NCOA2: variants seen among roughly 807,000 people sequenced by gnomAD.
NCOA2 encodes the protein nuclear receptor coactivator 2.
Under a neutral mutation model 145.1 loss-of-function variants are expected in NCOA2, and 21 were observed. The observed-to-expected ratio is 0.14, with a 90% CI of 0.10 to 0.21. The LOEUF is 0.21. NCOA2 is among the 10% of genes least tolerant of loss of function. The pLI is 1.00. For missense variants in NCOA2, 1,472 were observed against 1,837.6 expected (o/e 0.80, Z 3.64); for synonymous variants, 619 against 637.5 (o/e 0.97, Z 0.44).
chr8:70,236,146 T>C (rs1186942300), intron 2 of NCOA2, among the ~76,000 whole-genome samples: 1 of 152,188 alleles, frequency 6.6e-6, no homozygotes, highest in Non-Finnish European at 1.5e-5. Flanking sequence ...CAATAAGATA[T>C]CTGTGCCTCT....
chr8:70,380,919 A>G (rs184878325), intron 1 of NCOA2, among the ~76,000 whole-genome samples: 2 of 152,174 alleles, frequency 1.3e-5, no homozygotes, highest in East Asian at 1.9e-4. Context: ...TACAAAAAAT[A>G]TAAAAAATTA....
intron 10 of NCOA2, among the ~76,000 whole-genome samples, chr8:70,159,242 A>ATATATATTTTTT: frequency 4.9e-5 from 3 of 61,078 alleles, no homozygotes; most frequent in African/African-American, 1.6e-4. Flanking sequence ...ATATATATAT[A>ATATATATTTTTT]TTTTTTTTTT....
At chr8:70,403,972 G>A (rs1814634152), upstream of NCOA2, among the ~76,000 whole-genome samples, 1 of 152,144 alleles carries the variant, frequency 6.6e-6, no homozygotes, top group South Asian at 2.1e-4. Context: ...TGCCTCCCCG[G>A]CAGTGGCCGC....
chr8:70,253,677 T>C (rs1320826801), intron 2 of NCOA2, among the ~76,000 whole-genome samples: 1 of 152,130 alleles, frequency 6.6e-6, no homozygotes, highest in Non-Finnish European at 1.5e-5. Flanking sequence ...CAACAAATAG[T>C]ATTGGGAAAA....
At position 70,148,490 on chromosome 8, in the gene NCOA2, T is replaced by C. The variant is rs749178023; in HGVS notation, c.2395-7A>G. On this transcript the variant is annotated splice_region_variant and splice_polypyrimidine_tract_variant and intron_variant, in intron 11 of 22. Coordinates refer to ENST00000452400, the MANE Select transcript of NCOA2 (RefSeq NM_006540.4). ...TGTCCAGCTCACTGCCAGGCTGTAGTTGACAAACAGAAGAGTTTATCCAGT... is the reference window on the plus strand; with the variant it reads ...TGTCCAGCTCACTGCCAGGCTGTAGCTGACAAACAGAAGAGTTTATCCAGT... The C allele has an allele frequency of 1.2e-6, 2 of 1,612,262 alleles. No homozygotes were observed. Among genetic ancestry groups the C allele is most frequent in the Non-Finnish European group, 1.7e-6 (2 of 1,179,616 alleles).
intron 1 of NCOA2, among the ~76,000 whole-genome samples, chr8:70,330,242 G>T (rs890381373): frequency 7.7e-6 from 1 of 129,530 alleles, no homozygotes; most frequent in African/African-American, 3.2e-5. Flanking sequence ...ATGATGATCT[G>T]GTTTCTTATT....
At chr8:70,298,743 C>T (rs1015546309) in intron 1 of NCOA2, among the ~76,000 whole-genome samples, 1 of 152,106 alleles carries the variant, frequency 6.6e-6, no homozygotes, top group South Asian at 2.1e-4. Flanking sequence ...TAACATGAGG[C>T]AAAAGTGTCA....
At chr8:70,433,863 T>A in the NCOA2 span, among the ~76,000 whole-genome samples, 5 of 152,286 alleles carry the variant, frequency 3.3e-5, no homozygotes, top group East Asian at 7.7e-4. Flanking sequence ...AAAAAGGTCA[T>A]TCCCTGTGGG....
the NCOA2 span, among the ~76,000 whole-genome samples, chr8:70,419,763 A>G: frequency 1.3e-5 from 2 of 152,130 alleles, no homozygotes; most frequent in African/African-American, 4.8e-5. Context: ...CAGTTTTGTC[A>G]TTTTAAGGCA....
intron 2 of NCOA2, among the ~76,000 whole-genome samples, chr8:70,230,931 A>C (rs1821077169): frequency 6.6e-6 from 1 of 152,198 alleles, no homozygotes; most frequent in Non-Finnish European, 1.5e-5. Context: ...ATGTCTTTAT[A>C]ATTTTCAATG....
At chr8:70,331,111 A>G (rs1205006908) in intron 1 of NCOA2, among the ~76,000 whole-genome samples, 2 of 152,208 alleles carry the variant, frequency 1.3e-5, no homozygotes, top group African/African-American at 2.4e-5. Context: ...TTAAAAAAAA[A>G]GCAAATTCTA....
intron 1 of NCOA2, among the ~76,000 whole-genome samples, chr8:70,396,887 C>T (rs1389684306): frequency 6.6e-6 from 1 of 152,208 alleles, no homozygotes; most frequent in Non-Finnish European, 1.5e-5. Context: ...TCAGATTCAA[C>T]CATTCCCTCT....
At chr8:70,327,604 G>A (rs1446327562) in intron 1 of NCOA2, among the ~76,000 whole-genome samples, 1 of 152,040 alleles carries the variant, frequency 6.6e-6, no homozygotes, top group African/African-American at 2.4e-5. Context: ...TAAAGTACAA[G>A]TACAATCTCA....
chr8:70,171,846 C>T (rs887253583), intron 5 of NCOA2, among the ~76,000 whole-genome samples: 4 of 151,572 alleles, frequency 2.6e-5, no homozygotes, highest in African/African-American at 4.9e-5. Context: ...TTTTTTGAGA[C>T]ACAGTCTCAC....
At chr8:70,251,957 G>A (rs1823220887) in intron 2 of NCOA2, among the ~76,000 whole-genome samples, 1 of 152,138 alleles carries the variant, frequency 6.6e-6, no homozygotes, top group African/African-American at 2.4e-5. Context: ...ATCCTCAGAT[G>A]CTCAAGTTCC....
chr8:70,251,536 T>C (rs981660259), intron 2 of NCOA2, among the ~76,000 whole-genome samples: 9 of 152,208 alleles, frequency 5.9e-5, no homozygotes, highest in African/African-American at 2.2e-4. Context: ...AAAAATGTAT[T>C]TACTCCTTGA....
chr8:70,195,494 T>C (rs1817198369), intron 4 of NCOA2, among the ~76,000 whole-genome samples: 1 of 152,168 alleles, frequency 6.6e-6, no homozygotes, highest in African/African-American at 2.4e-5. Context: ...CCCATACAAG[T>C]AAGGGGTCCT....
chr8:70,242,630 T>C (rs571608007), intron 2 of NCOA2, among the ~76,000 whole-genome samples: 5 of 152,238 alleles, frequency 3.3e-5, no homozygotes, highest in Non-Finnish European at 5.9e-5. Flanking sequence ...TGCTGGCTGT[T>C]ACACAGGCTT....
In NCOA2 at chr8:70,249,977, A is replaced by AAAGAAG. The variant is rs1554606850; in HGVS notation, c.-19-33219_-19-33214dup. Among the ~76,000 whole-genome samples, 66 of 137,968 alleles carry AAAGAAG rather than the reference A, an allele frequency of 4.8e-4. 1 individual carries two copies. Among genetic ancestry groups the AAAGAAG allele is most frequent in the African/African-American group, 1.3e-3 (48 of 36,076 alleles). 90.5% of individuals were successfully genotyped at this position (137,968 alleles called of 152,430 possible). On this transcript the variant is annotated intron_variant, in intron 2 of 22. Transcript: ENST00000452400. ...GAATCTGCCTCCAAAAAAAAAAAAAAAAGAAGAAGAAGAAGAAGAAGAAGA... is the reference window on the plus strand; with the variant it reads ...GAATCTGCCTCCAAAAAAAAAAAAAAAAGAAGAAGAAGAAGAAGAAGAAGAAGAAGA...
Sources: gnomAD v4.1 joint callset for allele counts (sites outside exome capture counted in the v4.1 genomes callset) on GRCh38, gnomAD v4.1.1 for gene constraint, MANE v1.5 for transcripts, NCBI Gene and HGNC (gene_info 2026-07-23, HGNC 2026-07-21) for gene names.